The following SLC4A3 variants were observed in gnomAD, a reference collection of about 807,000 sequenced individuals.
SLC4A3 encodes solute carrier family 4 member 3, also known as anion exchange protein 3.
A neutral mutation model predicts 114.2 loss-of-function variants in SLC4A3; 47 were observed. The observed-to-expected ratio is 0.41, with a 90% CI of 0.33 to 0.52. The LOEUF (loss-of-function observed/expected upper bound fraction) is 0.52, where lower values mean the gene tolerates loss of function less well. Among genes scored for constraint, SLC4A3 ranks in the 20% least tolerant of loss-of-function variants. The pLI is 0.21. For synonymous variants in SLC4A3, 693 were observed against 710.3 expected, an observed-to-expected ratio of 0.98 and a Z score of 0.39; for missense variants, 1,312 against 1,668.3, an observed-to-expected ratio of 0.79 and a Z score of 3.72.
chr2:219,633,060 A>C (rs754598445), intron 9 of SLC4A3, 51 bp downstream of exon 9: 2 of 1,600,254 alleles, frequency 1.2e-6, no homozygotes, highest in Middle Eastern at 1.7e-4. Context: ...CTGCCCTTCC[A>C]GGAGCACATC....
chr2:219,635,086 G>T (rs1389042574), intron 12 of SLC4A3, among the ~76,000 whole-genome samples, 185 bp from the exon 13 acceptor site: 1 of 152,160 alleles, frequency 6.6e-6, no homozygotes, highest in Non-Finnish European at 1.5e-5. Context: ...CTTTGGGGCA[G>T]TGGCTTGCTG....
chr2:219,634,105 C>T (rs1699036562), intron 11 of SLC4A3, 126 bp downstream of exon 11: 1 of 1,143,200 alleles, frequency 8.7e-7, no homozygotes. Context: ...CACCTGGTCC[C>T]TGCTCTTCCT....
rs930775775 is a variant in SLC4A3, at chr2:219,636,427, G to T, written c.2317G>T (p.Val773Leu). The part of the protein sequence containing the change: ...LVVGFSGPLL[V>L]FEEAFFKFCR... ...GGTTGGCTTCTCTGGGCCGCTGCTT[G>T]TGTTTGAGGAAGCCTTCTTCAAGGT... Residue 773 changes from valine to leucine, a missense_variant, in exon 15 of 23, where the codon GTG becomes TTG. By Grantham distance (32) the Val-to-Leu change is conservative. Around this residue, in one of 4 missense-constraint regions of SLC4A3, gnomAD observed 771 missense variants for 977.7 expected, o/e 0.79. Transcript: ENST00000358055. This position sits in a 1 kb window ranked among gnomAD's most constrained non-coding sequence, Gnocchi z 5.5. 2 of 1,611,298 alleles carry T rather than the reference G, an allele frequency of 1.2e-6. No individual in the cohort carries two copies. Among genetic ancestry groups the T allele is most frequent in the Non-Finnish European group, 1.7e-6 (2 of 1,178,864 alleles).
In SLC4A3 at chr2:219,641,557, G is replaced by T; in HGVS notation, c.3622-94G>T. ...GCAGAGAGGCCCAGGAAAGGTCAGGGAGCAGGGAGGGCTGCAGGTTGGAGG... is the reference window on the plus strand; with the variant it reads ...GCAGAGAGGCCCAGGAAAGGTCAGGTAGCAGGGAGGGCTGCAGGTTGGAGG... On this transcript the variant is annotated intron_variant, in intron 22 of 22. Transcript: ENST00000358055. The surrounding 1 kb of genome is among the most constrained non-coding windows in gnomAD (Gnocchi z 4.0). The T allele has an allele frequency of 1.0e-6, 1 of 994,590 alleles. No individual in the cohort carries two copies. The allele number at this position is 994,590 out of a possible 1,614,324, so 61.6% of individuals were successfully genotyped here.
At position 219,631,082 on chromosome 2, in the gene SLC4A3, G is replaced by T. The variant is rs1269033180; in HGVS notation, c.811+730G>T. ...AGACCCAGGGTGGGGGCTGGATGCC[G>T]CAGGGAGCAGGCTTGTGGACTTGGG... On this transcript the variant is annotated intron_variant, in intron 6 of 22. Coordinates refer to ENST00000358055, the MANE Select transcript of SLC4A3 (RefSeq NM_005070.4). The surrounding 1 kb of genome is among the most constrained non-coding windows in gnomAD (Gnocchi z 6.3). 8.2e-6 allele frequency: 9 copies of T among 1,099,248 alleles called. No homozygotes were observed. The highest frequency in any genetic ancestry group is 8.4e-5 in the Admixed American group (2 of 23,890). 68.1% of individuals were successfully genotyped at this position (1,099,248 alleles called of 1,614,324 possible). A position where few individuals can be genotyped will look rare whatever the true frequency, so the allele number is the denominator to read the frequency against.
chr2:219,632,900 A>AC lies in SLC4A3; in HGVS notation c.1170dup (p.Thr391HisfsTer17). ...AGCTGCCCTCCTGGACCTGGAGCAA[A>AC]CCACCCTGCCAGGCATTGCACACCT... On this transcript the variant is annotated frameshift_variant, in exon 9 of 23. Transcript: ENST00000358055. LOFTEE classifies it high-confidence loss of function. 1.2e-6 allele frequency: 2 copies of AC among 1,613,920 alleles called. No homozygotes were observed. The highest frequency in any genetic ancestry group is 1.7e-6 in the Non-Finnish European group (2 of 1,179,982).
chr2:219,636,221 C>T lies in SLC4A3; in HGVS notation c.2192-81C>T. ...GGGGCTGCTCTGCTTTTGTTGGGGG[C>T]CCCAGTTTAGGACAAGCTAGATGAA... On this transcript the variant is annotated intron_variant, in intron 14 of 22. Transcript: ENST00000358055. The surrounding 1 kb of genome is among the most constrained non-coding windows in gnomAD (Gnocchi z 5.5). 6.4e-7 allele frequency: 1 copy of T among 1,560,256 alleles called. No individual in the cohort carries two copies. The highest frequency in any genetic ancestry group is 2.2e-5 in the East Asian group (1 of 44,694).
In SLC4A3 at chr2:219,640,934, G is replaced by A. The variant is rs150952379; in HGVS notation, c.3593G>A (p.Arg1198Gln). The A allele has an allele frequency of 4.8e-4, 778 of 1,607,932 alleles. 2 individuals are homozygous for A. Among genetic ancestry groups the A allele is most frequent in the Middle Eastern group, 4.3e-3 (26 of 6,058 alleles). The change falls in exon 22 of 23, where the codon CGG becomes CAG. Residue 1198 changes from arginine (R) to glutamine (Q), a missense_variant. By Grantham distance (43) the Arg-to-Gln change is conservative (BLOSUM62 1). Around this residue, in one of 4 missense-constraint regions of SLC4A3, gnomAD observed 301 missense variants for 460.7 expected, o/e 0.65. Coordinates refer to ENST00000358055, the MANE Select transcript of SLC4A3 (RefSeq NM_005070.4). Reference sequence around the variant, plus strand: ...CCTCTGAGGCATTGCCTTCTGCCCCGGCTCTTCCAGGACAGGGAGCTGCAG... The same window carrying A: ...CCTCTGAGGCATTGCCTTCTGCCCCAGCTCTTCCAGGACAGGGAGCTGCAG... ...TVPLRHCLLPRLFQDRELQAL... is the reference protein window; with the variant it reads ...TVPLRHCLLPQLFQDRELQAL...
chr2:219,636,650 T>C lies in SLC4A3; in HGVS notation c.2341-30T>C. 2 of 1,589,122 alleles carry C rather than the reference T, an allele frequency of 1.3e-6. No homozygotes were observed. The highest frequency in any genetic ancestry group is 8.6e-7 in the Non-Finnish European group (1 of 1,164,116). Reference sequence around the variant, plus strand: ...ATTGACACCCAGGGCAGTCCACCTGTGGGTAACGACCGCTCCTACCCCCAC... The same window carrying C: ...ATTGACACCCAGGGCAGTCCACCTGCGGGTAACGACCGCTCCTACCCCCAC... On this transcript the variant is annotated intron_variant, in intron 15 of 22. Transcript: ENST00000358055. The surrounding 1 kb of genome is among the most constrained non-coding windows in gnomAD (Gnocchi z 5.5).
Position 219,628,077 on chromosome 2 carries a change from G to T in SLC4A3, c.51+34G>T. On this transcript the variant is annotated intron_variant, in intron 2 of 22. Coordinates refer to ENST00000358055, the MANE Select transcript of SLC4A3 (RefSeq NM_005070.4). This position sits in a 1 kb window ranked among gnomAD's most constrained non-coding sequence, Gnocchi z 4.8. The stretch of plus-strand genomic sequence containing the variant: ...CGCGCGCGGGGGCGGGGGAGAGATG[G>T]GGGAGGAGAGGGGAGGGACCTTAGG... 2 of 1,481,544 alleles carry T rather than the reference G, an allele frequency of 1.3e-6. No homozygotes were observed. Among genetic ancestry groups the T allele is most frequent in the South Asian group, 1.3e-5 (1 of 77,266 alleles). 91.8% of individuals were successfully genotyped at this position (1,481,544 alleles called of 1,614,324 possible).
chr2:219,629,555 C>T, intron 4 of SLC4A3, 25 bp from the exon 5 acceptor site: 1 of 1,599,874 alleles, frequency 6.3e-7, no homozygotes, highest in Non-Finnish European at 8.6e-7. Context: ...GGGGCAAGGC[C>T]CCAGGGCACA....
Position 219,628,579 on chromosome 2 carries a change from C to A in SLC4A3, c.217+9C>A. The stretch of plus-strand genomic sequence containing the variant: ...CGAGCGGGACTTTGAGTGTGGGTAG[C>A]CTGGGGACCCCTAGTGCGGCCGCCC... On this transcript the variant is annotated intron_variant, in intron 3 of 22. Transcript: ENST00000358055. This position sits in a 1 kb window ranked among gnomAD's most constrained non-coding sequence, Gnocchi z 4.8. 6.2e-7 allele frequency: 1 copy of A among 1,611,448 alleles called. No homozygotes were observed. The highest frequency in any genetic ancestry group is 1.9e-4 in the Middle Eastern group (1 of 5,254).
In SLC4A3 at chr2:219,630,159, C is replaced by G. The variant is rs756539865; in HGVS notation, c.618C>G (p.Pro206=). The change falls in exon 6 of 23, where the codon CCC becomes CCG. Residue 206 remains proline (P), a synonymous_variant. Transcript: ENST00000358055. The surrounding 1 kb of genome is among the most constrained non-coding windows in gnomAD (Gnocchi z 6.9). ...DKSPQHSSSS[P]SPRARASRLA... is the part of the protein sequence containing the mutation. ...TGCTGTGTTGCCTCCCCAGCTCCCC[C>G]AGCCCCCGGGCCCGGGCCTCCCGAC... is the stretch of plus-strand genomic sequence containing the variant. 6.2e-7 allele frequency: 1 copy of G among 1,612,628 alleles called. No individual in the cohort carries two copies. Among genetic ancestry groups the G allele is most frequent in the Non-Finnish European group, 8.5e-7 (1 of 1,179,518 alleles).
Position 219,635,440 on chromosome 2 carries a change from G to T in SLC4A3, c.1916G>T (p.Arg639Leu), listed in dbSNP as rs145074464. 19 of 1,614,060 alleles carry T rather than the reference G, an allele frequency of 1.2e-5. No individual in the cohort carries two copies. In the African/African-American group the frequency reaches 1.6e-4, roughly 14 times the overall value. The change falls in exon 13 of 23, where the codon CGT (arginine) becomes CTT (leucine). Residue 639 changes from arginine (R) to leucine (L), a missense_variant. By Grantham distance (102) the Arg-to-Leu change is moderately radical. Transcript: ENST00000358055. ...QRELLRKRRE[R>L]EQTKVEMTTR... ...GAGCTGCTTAGGAAGCGGCGAGAGC[G>T]TGAACAGACCAAAGTCGAGATGACC...
In SLC4A3 at chr2:219,628,678, G is replaced by A. The variant is rs977612488; in HGVS notation, c.217+108G>A. 25 of 1,146,282 alleles carry A rather than the reference G, an allele frequency of 2.2e-5. No homozygotes were observed. Among genetic ancestry groups the A allele is most frequent in the Admixed American group, 2.0e-4 (9 of 44,762 alleles). The allele number at this position is 1,146,282 out of a possible 1,614,324, so 71.0% of individuals were successfully genotyped here. A position where few individuals can be genotyped will look rare whatever the true frequency, so the allele number is the denominator to read the frequency against. On this transcript the variant is annotated intron_variant, in intron 3 of 22. Coordinates refer to ENST00000358055, the MANE Select transcript of SLC4A3 (RefSeq NM_005070.4). This position sits in a 1 kb window ranked among gnomAD's most constrained non-coding sequence, Gnocchi z 4.8. ...TGGTCACCCAGTGCCATCCTGTGCCGGACACTGTGCTGGACTCTGTGCTGG... is the reference window on the plus strand; with the variant it reads ...TGGTCACCCAGTGCCATCCTGTGCCAGACACTGTGCTGGACTCTGTGCTGG...
chr2:219,640,871 C>T lies in SLC4A3; in HGVS notation c.3530C>T (p.Ala1177Val). Residue 1177 changes from alanine to valine, a missense_variant, in exon 22 of 23, where the codon GCC becomes GTC. By Grantham distance (64) the Ala-to-Val change is moderately conservative (BLOSUM62 0). Around this residue, in one of 4 missense-constraint regions of SLC4A3, gnomAD observed 301 missense variants for 460.7 expected, o/e 0.65. Coordinates refer to ENST00000358055, the MANE Select transcript of SLC4A3 (RefSeq NM_005070.4). ...CTCTGGGTGGTCAAGTCCACGGCGG[C>T]CTCACTCGCCTTTCCCTTCCTGCTG... ...ALLWVVKSTA[A>V]SLAFPFLLLL... The T allele has an allele frequency of 1.9e-6, 3 of 1,612,106 alleles. No individual in the cohort carries two copies. Among genetic ancestry groups the T allele is most frequent in the Non-Finnish European group, 2.5e-6 (3 of 1,180,036 alleles).
At chr2:219,634,013 C>T (rs1699032930) in intron 11 of SLC4A3, 34 bp downstream of exon 11, 2 of 1,521,926 alleles carry the variant, frequency 1.3e-6, no homozygotes, top group East Asian at 2.5e-5. Flanking sequence ...GCAGGGTCTG[C>T]AGTGTGTGTG....
In SLC4A3 at chr2:219,631,816, A is replaced by G; in HGVS notation, c.812-152A>G. The G allele has an allele frequency of 1.2e-6, 1 of 840,122 alleles. No individual in the cohort carries two copies. Among genetic ancestry groups the G allele is most frequent in the Non-Finnish European group, 1.9e-6 (1 of 539,522 alleles). The allele number at this position is 840,122 out of a possible 1,614,324, so 52.0% of individuals were successfully genotyped here. A position where few individuals can be genotyped will look rare whatever the true frequency, so the allele number is the denominator to read the frequency against. ...TGAGCTTCAGTCTTCTTATCAATGA[A>G]ATGGCCACATGGGATTATGTGGTTC... On this transcript the variant is annotated intron_variant, in intron 6 of 22. Transcript: ENST00000358055. The surrounding 1 kb of genome is among the most constrained non-coding windows in gnomAD (Gnocchi z 6.3).
chr2:219,632,204 TCACGGTGTTCCCCACA>T, intron 7 of SLC4A3, 42 bp from the exon 8 acceptor site: 1 of 1,610,936 alleles, frequency 6.2e-7, no homozygotes, highest in Non-Finnish European at 8.5e-7. Flanking sequence ...CCTTGCCCCA[TCACGGTGTTCCCCACA>T]CCTGTTGGCC....
Sources: gnomAD v4.1 joint callset for allele counts (sites outside exome capture counted in the v4.1 genomes callset) on GRCh38, gnomAD v4.1.1 for gene constraint, gnomAD v4.1.1 regional missense constraint, Gnocchi (gnomAD v3.1) non-coding constraint, MANE v1.5 for transcripts, NCBI Gene and HGNC (gene_info 2026-07-23, HGNC 2026-07-21) for gene names.